The following MAPK4 variants were observed in gnomAD, a reference collection of about 807,000 sequenced individuals.
MAPK4 encodes the protein mitogen-activated protein kinase 4.
A neutral mutation model predicts 47.7 loss-of-function variants in MAPK4; 22 were observed. The ratio of observed to expected loss-of-function variants is 0.46; its 90% CI spans 0.33 to 0.66. The LOEUF (loss-of-function observed/expected upper bound fraction) is 0.66. Ranked by LOEUF, MAPK4 falls within the 30% of genes least tolerant of loss-of-function variation. The pLI, the probability that MAPK4 is intolerant of heterozygous loss-of-function variation, is 0.02. For missense variants in MAPK4, 736 were observed against 831.7 expected (o/e 0.88, Z 1.42); for synonymous variants, 390 against 365.7 (o/e 1.07, Z -0.76).
intron 3 of MAPK4, among the ~76,000 whole-genome samples, chr18:50,718,406 C>T (rs566380575): frequency 5.9e-4 from 90 of 151,976 alleles, no homozygotes; most frequent in Non-Finnish European, 1.0e-3. Context: ...ATAGTAGAGA[C>T]GGAGTTTTGC....
intron 1 of MAPK4, among the ~76,000 whole-genome samples, chr18:50,662,577 A>G (rs1449285879): frequency 1.3e-5 from 2 of 152,240 alleles, no homozygotes; most frequent in Non-Finnish European, 2.9e-5. Flanking sequence ...AGCAAGAGAT[A>G]CAAATGTCAT....
At chr18:50,568,984 G>A (rs728682) in intron 1 of MAPK4, among the ~76,000 whole-genome samples, 61,855 of 152,022 alleles carry the variant, frequency 0.41, 13,525 homozygotes, top group Middle Eastern at 0.49. Context: ...AGCTGCATGA[G>A]CATAGTAAGC....
chr18:50,681,310 T>C (rs985916061), intron 2 of MAPK4, among the ~76,000 whole-genome samples: 5 of 152,232 alleles, frequency 3.3e-5, no homozygotes, highest in Non-Finnish European at 7.3e-5. Flanking sequence ...AAGTCCCTTA[T>C]TAGATGGATA....
intron 1 of MAPK4, among the ~76,000 whole-genome samples, chr18:50,573,332 G>A (rs1387397061): frequency 6.6e-6 from 1 of 152,126 alleles, no homozygotes; most frequent in Non-Finnish European, 1.5e-5. Flanking sequence ...CGCACAGCAG[G>A]AGGAGAGCAG....
chr18:50,718,739 A>G (rs977802320), intron 3 of MAPK4, among the ~76,000 whole-genome samples: 2 of 152,148 alleles, frequency 1.3e-5, no homozygotes, highest in Non-Finnish European at 2.9e-5. Context: ...ATATATTAAT[A>G]TGATATGTTA....
In MAPK4 at chr18:50,655,321, C is replaced by T. The variant is rs545119769; in HGVS notation, c.-870-7768C>T. ...TTTAGACTAAGCTGGGCTTTTGGCT[C>T]GGGTCGGTTGGTGTCCTGCTGGCTG... On this transcript the variant is annotated intron_variant, in intron 1 of 5. Coordinates refer to ENST00000400384, the MANE Select transcript of MAPK4 (RefSeq NM_002747.4). Among the ~76,000 whole-genome samples, 46 of 152,192 alleles carry T rather than the reference C, an allele frequency of 3.0e-4. 1 individual carries two copies. In the South Asian group the frequency reaches 4.1e-3, roughly 14 times the overall value.
intron 1 of MAPK4, among the ~76,000 whole-genome samples, chr18:50,589,831 T>G (rs1389913993): frequency 6.6e-6 from 1 of 152,222 alleles, no homozygotes; most frequent in Non-Finnish European, 1.5e-5. Flanking sequence ...GAGTTCAAAT[T>G]GTAATTAACA....
intron 1 of MAPK4, among the ~76,000 whole-genome samples, chr18:50,590,750 T>G (rs1357295142): frequency 5.9e-5 from 9 of 152,214 alleles, no homozygotes; most frequent in Non-Finnish European, 1.0e-4. Flanking sequence ...GACAATGCAT[T>G]CTGCTTCGCC....
At chr18:50,584,277 T>C (rs1447971611) in intron 1 of MAPK4, among the ~76,000 whole-genome samples, 1 of 152,160 alleles carries the variant, frequency 6.6e-6, no homozygotes, top group Non-Finnish European at 1.5e-5. Context: ...CACACAGACC[T>C]ATGGGATGTT....
chr18:50,571,580 A>G (rs1051253399), intron 1 of MAPK4, among the ~76,000 whole-genome samples: 3 of 152,180 alleles, frequency 2.0e-5, no homozygotes, highest in Non-Finnish European at 4.4e-5. Context: ...TACAAGCCCA[A>G]ATTTCTTTTA....
intron 1 of MAPK4, among the ~76,000 whole-genome samples, chr18:50,601,097 TAAAAAA>T (rs3080769): frequency 7.4e-6 from 1 of 134,474 alleles, no homozygotes. Flanking sequence ...CCTATCTCTG[TAAAAAA>T]AAAAAAAAAA....
intron 1 of MAPK4, among the ~76,000 whole-genome samples, chr18:50,579,756 T>A (rs1479725569): frequency 6.6e-6 from 1 of 152,184 alleles, no homozygotes; most frequent in Non-Finnish European, 1.5e-5. Flanking sequence ...TCAGTAGGGC[T>A]GTCCAAAATA....
At chr18:50,641,070 G>A (rs2042937323) in intron 1 of MAPK4, among the ~76,000 whole-genome samples, 1 of 152,180 alleles carries the variant, frequency 6.6e-6, no homozygotes, top group Non-Finnish European at 1.5e-5. Context: ...GAAAAAAAAG[G>A]GGAGAGTTGA....
intron 3 of MAPK4, among the ~76,000 whole-genome samples, chr18:50,718,354 G>T (rs945091654): frequency 2.0e-5 from 3 of 152,320 alleles, no homozygotes; most frequent in Admixed American, 2.0e-4. Context: ...GAGTAGCTGG[G>T]ATTACAGGCA....
At chr18:50,695,414 G>A (rs1031122591) in intron 2 of MAPK4, among the ~76,000 whole-genome samples, 1 of 150,696 alleles carries the variant, frequency 6.6e-6, no homozygotes, top group African/African-American at 2.4e-5. Context: ...TATAGCCAGT[G>A]TGAAGCGAGT....
Position 50,729,545 on chromosome 18 carries a change from G to A in MAPK4, c.1455G>A (p.Glu485=), listed in dbSNP as rs1568102972. 1 of 1,428,948 alleles carries A rather than the reference G, an allele frequency of 7.0e-7. No homozygotes were observed. The highest frequency in any genetic ancestry group is 2.6e-5 in the East Asian group (1 of 38,806). The allele number at this position is 1,428,948 out of a possible 1,614,324, so 88.5% of individuals were successfully genotyped here. The part of the protein sequence containing the change: ...GLADTGARED[E]PASLFLEIAQ... ...CGGACACGGGGGCGCGCGAGGACGA[G>A]CCGGCCAGCCTCTTCCTGGAGATCG... is the stretch of plus-strand genomic sequence containing the variant. Residue 485 remains glutamate, a synonymous_variant, in exon 6 of 6, where the codon GAG becomes GAA. Coordinates refer to ENST00000400384, the MANE Select transcript of MAPK4 (RefSeq NM_002747.4).
intron 2 of MAPK4, among the ~76,000 whole-genome samples, chr18:50,707,581 A>G (rs915785692): frequency 6.6e-6 from 1 of 151,786 alleles, no homozygotes; most frequent in African/African-American, 2.4e-5. Context: ...AAAAAAAAAA[A>G]AAAAAAAAAA....
chr18:50,563,938 G>A (rs981849278), intron 1 of MAPK4, among the ~76,000 whole-genome samples: 11 of 152,142 alleles, frequency 7.2e-5, no homozygotes, highest in Non-Finnish European at 1.2e-4. Context: ...CCTCATAATG[G>A]AATGAAAGGC....
chr18:50,659,884 C>T (rs2043151359), intron 1 of MAPK4, among the ~76,000 whole-genome samples: 1 of 152,222 alleles, frequency 6.6e-6, no homozygotes, highest in Non-Finnish European at 1.5e-5. Context: ...AGCTCTGAAC[C>T]ACCACCTTTG....
Sources: gnomAD v4.1 joint callset for allele counts (sites outside exome capture counted in the v4.1 genomes callset) on GRCh38, gnomAD v4.1.1 for gene constraint, MANE v1.5 for transcripts, NCBI Gene and HGNC (gene_info 2026-07-23, HGNC 2026-07-21) for gene names.